Variants in SLC25A15 observed in about 807,000 individuals in gnomAD.
SLC25A15 encodes solute carrier family 25 member 15.
In SLC25A15, 24 loss-of-function variants were observed where a neutral mutation model predicts 32.3. The ratio of observed to expected loss-of-function variants is 0.74; its 90% CI spans 0.54 to 1.04. The LOEUF (loss-of-function observed/expected upper bound fraction) is 1.04, where lower values mean the gene tolerates loss of function less well. Ranked by LOEUF, SLC25A15 falls within the 50% of genes least tolerant of loss-of-function variation. SLC25A15 has a pLI of 0.00. For missense variants in SLC25A15, 317 were observed against 374.5 expected (o/e 0.85, Z 1.27); for synonymous variants, 132 against 142.1 (o/e 0.93, Z 0.51).
chr13:40,794,459 G>A (rs1474793141), intron 2 of SLC25A15, among the ~76,000 whole-genome samples: 1 of 152,198 alleles, frequency 6.6e-6, no homozygotes, highest in Non-Finnish European at 1.5e-5. Context: ...AGGGGCCTGA[G>A]CCCAAGAGCC....
At chr13:40,801,245 A>AAG (rs1467312291) in intron 3 of SLC25A15, among the ~76,000 whole-genome samples, 1 of 150,468 alleles carries the variant, frequency 6.6e-6, no homozygotes, top group South Asian at 2.1e-4. Context: ...AAAAAAAAAA[A>AAG]GAAAAGAAAA....
intron 4 of SLC25A15, among the ~76,000 whole-genome samples, chr13:40,806,492 T>C (rs1882178969): frequency 6.6e-6 from 1 of 152,186 alleles, no homozygotes; most frequent in Admixed American, 6.5e-5. Flanking sequence ...GGGAGGTTAA[T>C]TGTGTTGAGC....
intron 4 of SLC25A15, 24 bp downstream of exon 4, chr13:40,805,279 G>T: frequency 1.9e-6 from 3 of 1,613,894 alleles, no homozygotes; most frequent in Non-Finnish European, 2.5e-6. Flanking sequence ...GGGCACAAAC[G>T]TCAGGTCTCT....
intron 2 of SLC25A15, among the ~76,000 whole-genome samples, chr13:40,795,622 G>A (rs1031339111): frequency 5.3e-5 from 8 of 152,078 alleles, no homozygotes; most frequent in African/African-American, 1.9e-4. Flanking sequence ...AACTTCTGAG[G>A]ACAACGAAGC....
chr13:40,802,279 T>A (rs1035748111), intron 3 of SLC25A15: 1 of 152,246 alleles, frequency 6.6e-6, no homozygotes, highest in Non-Finnish European at 1.5e-5. Context: ...TTGGATGGTT[T>A]CCACACCCCA....
intron 2 of SLC25A15, among the ~76,000 whole-genome samples, chr13:40,794,635 G>A (rs1881613328): frequency 6.6e-6 from 1 of 152,196 alleles, no homozygotes; most frequent in South Asian, 2.1e-4. Flanking sequence ...TGGTTCTCCA[G>A]AGTCCAGAAG....
intron 1 of SLC25A15, among the ~76,000 whole-genome samples, chr13:40,791,446 C>G (rs955214537): frequency 1.3e-5 from 2 of 151,622 alleles, no homozygotes; most frequent in African/African-American, 2.4e-5. Context: ...CAACCTCCAC[C>G]TCCCGGGTTC....
rs528746031 is a variant in SLC25A15 at position 40,797,413 on chromosome 13, T to G, written c.56-1644T>G. ...CACCCACTTAAAACATTCTGTCACC[T>G]TTTCTCTTGGAATAATTAAATTATT... On this transcript the variant is annotated intron_variant, in intron 2 of 6. Coordinates refer to ENST00000338625, the MANE Select transcript of SLC25A15 (RefSeq NM_014252.4). 2.6e-5 allele frequency among the ~76,000 whole-genome samples: 4 copies of G among 152,348 alleles called. No individual in the cohort carries two copies. The East Asian group carries it at 7.7e-4, about 29-fold the overall frequency.
chr13:40,799,139 C>T lies in SLC25A15; in HGVS notation c.138C>T (p.Gly46=), dbSNP rs560300254. The change falls in exon 3 of 7, where the codon GGC becomes GGT. Residue 46 remains glycine, a synonymous_variant. Transcript: ENST00000338625. The part of the protein sequence containing the change: ...KMQTFPDLYR[G]LTDCCLKTYS... Reference sequence around the variant, plus strand: ...AGACGTTCCCTGACCTGTACCGGGGCCTCACCGACTGCTGCCTGAAGACTT... The same window carrying T: ...AGACGTTCCCTGACCTGTACCGGGGTCTCACCGACTGCTGCCTGAAGACTT... The T allele has an allele frequency of 6.2e-7, 1 of 1,614,198 alleles. No homozygotes were observed. The highest frequency in any genetic ancestry group is 8.5e-7 in the Non-Finnish European group (1 of 1,180,018).
chr13:40,803,512 T>C (rs1423972681), intron 3 of SLC25A15, among the ~76,000 whole-genome samples: 1 of 152,250 alleles, frequency 6.6e-6, no homozygotes, highest in Non-Finnish European at 1.5e-5. Context: ...GAACTCTTAC[T>C]GGATTCCAGT....
intron 2 of SLC25A15, among the ~76,000 whole-genome samples, chr13:40,798,214 A>G (rs187722549): frequency 6.7e-6 from 1 of 149,668 alleles, no homozygotes; most frequent in Non-Finnish European, 1.5e-5. Flanking sequence ...TGGGAGGTGG[A>G]GTTTGCAGTG....
Position 40,810,613 on chromosome 13 carries a change from C to G in SLC25A15, c.*946C>G, listed in dbSNP as rs1306799189. Among the ~76,000 whole-genome samples, 2 of 152,192 alleles carry G rather than the reference C, an allele frequency of 1.3e-5. No individual in the cohort carries two copies. The highest frequency in any genetic ancestry group is 2.4e-5 in the African/African-American group (1 of 41,438). ...GTATCCTAGATTTCCCCAAGATGCT[C>G]TACTCTTAAAATAGTGCCATTCATT... On this transcript the variant is annotated 3_prime_UTR_variant, in exon 7 of 7. Coordinates refer to ENST00000338625, the MANE Select transcript of SLC25A15 (RefSeq NM_014252.4).
chr13:40,805,020 G>A (rs182233461), intron 3 of SLC25A15, 98 bp from the exon 4 acceptor site: 7 of 1,473,298 alleles, frequency 4.8e-6, no homozygotes, highest in South Asian at 2.3e-5. Flanking sequence ...CCTCACGCCC[G>A]GCTCCTTACC....
intron 1 of SLC25A15, among the ~76,000 whole-genome samples, chr13:40,791,989 G>A (rs185923559): frequency 2.6e-5 from 4 of 152,298 alleles, no homozygotes; most frequent in Non-Finnish European, 4.4e-5. Context: ...TGGGTCACAC[G>A]GCTCCTCAGT....
chr13:40,804,807 C>T (rs2138053527), intron 3 of SLC25A15, among the ~76,000 whole-genome samples: 1 of 152,036 alleles, frequency 6.6e-6, no homozygotes, highest in Admixed American at 6.5e-5. Flanking sequence ...GCCTCGGCCT[C>T]CCAGAGTGCT....
intron 2 of SLC25A15, among the ~76,000 whole-genome samples, chr13:40,798,121 A>G (rs1881730741): frequency 6.6e-6 from 1 of 152,108 alleles, no homozygotes; most frequent in Non-Finnish European, 1.5e-5. Context: ...CTCTATGAAA[A>G]GTACAAAAAT....
chr13:40,798,879 A>G, intron 2 of SLC25A15, 178 bp from the exon 3 acceptor site: 2 of 985,440 alleles, frequency 2.0e-6, no homozygotes, highest in Non-Finnish European at 2.4e-6. Flanking sequence ...CTTAGATGCC[A>G]GGCACATCAA....
intron 3 of SLC25A15, chr13:40,802,080 G>A (rs1259838587): frequency 6.6e-6 from 1 of 152,190 alleles, no homozygotes; most frequent in Non-Finnish European, 1.5e-5. Context: ...CCTTTGTCCT[G>A]GCAAACTTGG....
At position 40,810,104 on chromosome 13, in the gene SLC25A15, T is replaced by C. The variant is rs1347643893; in HGVS notation, c.*437T>C. Reference sequence around the variant, plus strand: ...CATGAAGATGCTTATAAATGGTTGCTTAACCCATTCTAGATGTAGGGTCTG... The same window carrying C: ...CATGAAGATGCTTATAAATGGTTGCCTAACCCATTCTAGATGTAGGGTCTG... On this transcript the variant is annotated 3_prime_UTR_variant, in exon 7 of 7. Transcript: ENST00000338625. 1.2e-5 allele frequency: 3 copies of C among 241,590 alleles called. No homozygotes were observed. Among genetic ancestry groups the C allele is most frequent in the Non-Finnish European group, 1.6e-5 (2 of 122,420 alleles). The allele number at this position is 241,590 out of a possible 1,614,324, so 15.0% of individuals were successfully genotyped here.
Sources: allele counts gnomAD v4.1 joint callset (sites outside exome capture counted in the v4.1 genomes callset), GRCh38; gene constraint gnomAD v4.1.1; transcripts MANE v1.5; gene names NCBI Gene and HGNC (gene_info 2026-07-23, HGNC 2026-07-21).